The following ARHGAP6 variants were observed in gnomAD, a reference collection of about 807,000 sequenced individuals.
The protein encoded by ARHGAP6 is rho GTPase-activating protein 6.
In ARHGAP6, 16 loss-of-function variants were observed where a neutral mutation model predicts 55.7. That is an observed-to-expected ratio of 0.29 (90% CI 0.19 to 0.44). The LOEUF (loss-of-function observed/expected upper bound fraction) is 0.44. ARHGAP6 is among the 20% of genes least tolerant of loss of function. The pLI is 1.00. For missense variants in ARHGAP6, 698 were observed against 808.9 expected, an observed-to-expected ratio of 0.86 and a Z score of 1.66; for synonymous variants, 382 against 360.9, an observed-to-expected ratio of 1.06 and a Z score of -0.66.
Position 11,306,470 on chromosome X carries a change from C to T in ARHGAP6, c.589-51763G>A, listed in dbSNP as rs138424862. Among the ~76,000 whole-genome samples the T allele has an allele frequency of 5.4e-3, 603 of 112,594 alleles. 2 individuals are homozygous for T. The highest frequency in any genetic ancestry group is 0.019 in the African/African-American group (575 of 31,004). On this transcript the variant is annotated intron_variant, in intron 1 of 12. Coordinates refer to ENST00000337414, the MANE Select transcript of ARHGAP6 (RefSeq NM_013427.3). The stretch of plus-strand genomic sequence containing the variant: ...TATAAAAGTAATGATAATAATAACA[C>T]TGAACATTTACTGGGCTTATTATAT...
At chrX:11,225,280 T>C (rs1409299169) in intron 2 of ARHGAP6, among the ~76,000 whole-genome samples, 4 of 111,026 alleles carry the variant, frequency 3.6e-5, no homozygotes, top group Admixed American at 9.6e-5. Flanking sequence ...GGTTCATCTA[T>C]GTGCATACTG....
chrX:11,199,827 A>G (rs1276081758), intron 2 of ARHGAP6, among the ~76,000 whole-genome samples: 1 of 112,426 alleles, frequency 8.9e-6, no homozygotes, highest in African/African-American at 3.2e-5. Context: ...ATGATGGATG[A>G]CGTGCAATAA....
chrX:11,264,036 G>C (rs1354015706), intron 1 of ARHGAP6, among the ~76,000 whole-genome samples: 1 of 111,412 alleles, frequency 9.0e-6, no homozygotes, highest in Non-Finnish European at 1.9e-5. Context: ...TGTTGCAACA[G>C]AGACTGCACA....
chrX:11,420,882 G>C (rs775939458), intron 1 of ARHGAP6, among the ~76,000 whole-genome samples: 3 of 112,128 alleles, frequency 2.7e-5, no homozygotes, highest in Non-Finnish European at 5.6e-5. Context: ...TTTGTTAAAC[G>C]GGTATTCTGG....
At chrX:11,281,269 G>T (rs764765454) in intron 1 of ARHGAP6, among the ~76,000 whole-genome samples, 2 of 111,088 alleles carry the variant, frequency 1.8e-5, no homozygotes, top group Non-Finnish European at 3.8e-5. Flanking sequence ...GGGGAGAAGT[G>T]ACTGGAAGGG....
intron 1 of ARHGAP6, among the ~76,000 whole-genome samples, chrX:11,626,998 A>G (rs1156442241): frequency 1.8e-5 from 2 of 111,875 alleles, no homozygotes; most frequent in African/African-American, 6.5e-5. Context: ...CAAGATCAAC[A>G]TTCAATCAAT....
rs999096124 is a variant in ARHGAP6, at chrX:11,290,791, A to C, written c.589-36084T>G. ...AGCCAGTGGAGAGGAACCCCAAAAC[A>C]AACCAAACACCCTCCCAGCAGTCAA... On this transcript the variant is annotated intron_variant, in intron 1 of 12. Transcript: ENST00000337414. 6.3e-5 allele frequency among the ~76,000 whole-genome samples: 7 copies of C among 111,844 alleles called. No individual in the cohort carries two copies. The Admixed American group carries it at 6.7e-4, about 11-fold the overall frequency.
chrX:11,251,635 A>G (rs1275293227), intron 2 of ARHGAP6, among the ~76,000 whole-genome samples: 2 of 112,092 alleles, frequency 1.8e-5, no homozygotes, highest in Non-Finnish European at 3.8e-5. Flanking sequence ...CATGATTTTC[A>G]TTATATCCTA....
intron 8 of ARHGAP6, among the ~76,000 whole-genome samples, chrX:11,176,396 T>C (rs1460549273): frequency 1.2e-5 from 1 of 83,853 alleles, no homozygotes; most frequent in Non-Finnish European, 2.3e-5. Context: ...ACATAAATGG[T>C]AGCTAATATT....
intron 1 of ARHGAP6, among the ~76,000 whole-genome samples, chrX:11,579,154 T>C (rs1046203212): frequency 3.6e-5 from 4 of 111,273 alleles, no homozygotes; most frequent in African/African-American, 1.3e-4. Flanking sequence ...AACCTGTACA[T>C]TGTGTACATG....
chrX:11,527,376 G>A (rs1042259709), intron 1 of ARHGAP6, among the ~76,000 whole-genome samples: 6 of 112,089 alleles, frequency 5.4e-5, no homozygotes, highest in Non-Finnish European at 9.4e-5. Context: ...CACTTTGGGA[G>A]GCTGAGATGG....
chrX:11,310,919 A>G (rs1386060218), intron 1 of ARHGAP6, among the ~76,000 whole-genome samples: 1 of 111,981 alleles, frequency 8.9e-6, no homozygotes, highest in Non-Finnish European at 1.9e-5. Flanking sequence ...GTTTTTTTGG[A>G]ACTTACAGTT....
chrX:11,368,020 A>G (rs772109963), intron 1 of ARHGAP6, among the ~76,000 whole-genome samples: 1 of 112,506 alleles, frequency 8.9e-6, no homozygotes, highest in African/African-American at 3.2e-5. Context: ...GCATCCCTGA[A>G]ATGCCGTCTG....
At chrX:11,593,885 A>G (rs1216046012) in intron 1 of ARHGAP6, among the ~76,000 whole-genome samples, 1 of 112,514 alleles carries the variant, frequency 8.9e-6, no homozygotes, top group Non-Finnish European at 1.9e-5. Flanking sequence ...GGTCCAGCAC[A>G]AAATAAAAAT....
At chrX:11,146,349 C>T (rs1048883474) in intron 10 of ARHGAP6, among the ~76,000 whole-genome samples, 2 of 112,090 alleles carry the variant, frequency 1.8e-5, no homozygotes, top group Non-Finnish European at 1.9e-5. Flanking sequence ...GTGGCTGAAG[C>T]GAATCCCTGG....
intron 1 of ARHGAP6, among the ~76,000 whole-genome samples, chrX:11,358,100 G>T (rs189202483): frequency 2.1e-4 from 23 of 111,799 alleles, no homozygotes; most frequent in African/African-American, 7.5e-4. Context: ...CTGTGGATTT[G>T]CCTGTTCTGG....
chrX:11,290,401 G>A (rs780371072), intron 1 of ARHGAP6: 22 of 377,348 alleles, frequency 5.8e-5, no homozygotes, highest in Middle Eastern at 8.7e-4. Context: ...TAAGGGTTGC[G>A]GTGGGGTCAA....
chrX:11,307,676 AT>A, intron 1 of ARHGAP6, among the ~76,000 whole-genome samples: 1 of 112,622 alleles, frequency 8.9e-6, no homozygotes, highest in Middle Eastern at 4.6e-3. Context: ...ACAATTCTCA[AT>A]TTTTAAAGTA....
At chrX:11,164,880 G>C (rs2147299944) in intron 9 of ARHGAP6, among the ~76,000 whole-genome samples, 1 of 112,476 alleles carries the variant, frequency 8.9e-6, no homozygotes, top group East Asian at 2.8e-4. Context: ...GTTTTCTCTG[G>C]AATTCCCAAT....
Sources: allele counts gnomAD v4.1 joint callset (sites outside exome capture counted in the v4.1 genomes callset), GRCh38; gene constraint gnomAD v4.1.1; transcripts MANE v1.5; gene names NCBI Gene and HGNC (gene_info 2026-07-23, HGNC 2026-07-21).